The following SORCS3 variants were observed in gnomAD, a reference collection of about 807,000 sequenced individuals.
SORCS3 encodes sortilin related VPS10 domain containing receptor 3.
Under a neutral mutation model 146.3 loss-of-function variants are expected in SORCS3, and 57 were observed. That is an observed-to-expected ratio of 0.39 (90% CI 0.31 to 0.49). The LOEUF (loss-of-function observed/expected upper bound fraction) is 0.49, where lower values mean the gene tolerates loss of function less well. Ranked by LOEUF, SORCS3 falls within the 20% of genes least tolerant of loss-of-function variation. The pLI, the probability that SORCS3 is intolerant of heterozygous loss-of-function variation, is 0.92. For synonymous variants in SORCS3, 653 were observed against 618.5 expected (o/e 1.06, Z -0.83); for missense variants, 1,341 against 1,575.5 (o/e 0.85, Z 2.52).
chr10:105,245,523 T>C lies in SORCS3; in HGVS notation c.2869-19T>C, dbSNP rs1357977156. ...TATCCCACACAAGACTGAATGAGTA[T>C]TGTTACTTCTTCTTGTAGCCTCTCA... On this transcript the variant is annotated intron_variant, in intron 20 of 26. Transcript: ENST00000369701. 1 of 1,613,854 alleles carries C rather than the reference T, an allele frequency of 6.2e-7. No homozygotes were observed. The highest frequency in any genetic ancestry group is 8.5e-7 in the Non-Finnish European group (1 of 1,179,868).
At chr10:104,990,699 A>C (rs569441343) in intron 4 of SORCS3, among the ~76,000 whole-genome samples, 1 of 152,326 alleles carries the variant, frequency 6.6e-6, no homozygotes, top group Admixed American at 6.5e-5. Context: ...CAATATAGTC[A>C]TAAGGGTCCT....
intron 2 of SORCS3, among the ~76,000 whole-genome samples, chr10:104,876,703 T>TTTCCTTCC (rs747594890): frequency 0.045 from 4,712 of 104,656 alleles, 194 homozygotes; most frequent in South Asian, 0.11. Context: ...TGGTCCAGGT[T>TTTCCTTCC]TTCCTTCCTT....
intron 3 of SORCS3, among the ~76,000 whole-genome samples, chr10:104,957,642 T>G (rs2019509507): frequency 6.6e-6 from 1 of 152,094 alleles, no homozygotes; most frequent in Admixed American, 6.5e-5. Context: ...GTTTCTTACC[T>G]CTTCAGTCCT....
intron 3 of SORCS3, among the ~76,000 whole-genome samples, chr10:104,964,397 C>T (rs2054814997): frequency 6.6e-6 from 1 of 152,186 alleles, no homozygotes; most frequent in Admixed American, 6.5e-5. Context: ...AGCACCTCCC[C>T]TTACCTTTTC....
intron 22 of SORCS3, among the ~76,000 whole-genome samples, chr10:105,252,307 T>C (rs542312225): frequency 2.0e-5 from 3 of 152,320 alleles, no homozygotes; most frequent in South Asian, 4.1e-4. Context: ...TTACCAATAT[T>C]AGCTATTGCA....
intron 24 of SORCS3, among the ~76,000 whole-genome samples, chr10:105,256,256 C>G (rs2056930606): frequency 6.6e-6 from 1 of 152,098 alleles, no homozygotes; most frequent in Admixed American, 6.5e-5. Context: ...GGAACAAACT[C>G]TAGTTGGCTT....
chr10:105,082,617 C>G (rs1322173337), intron 5 of SORCS3, among the ~76,000 whole-genome samples: 1 of 152,170 alleles, frequency 6.6e-6, no homozygotes, highest in Non-Finnish European at 1.5e-5. Flanking sequence ...GATCCTAGTT[C>G]CCTTCTTGAA....
chr10:104,927,959 G>A (rs566541588), intron 3 of SORCS3, among the ~76,000 whole-genome samples: 67 of 152,150 alleles, frequency 4.4e-4, no homozygotes, highest in Non-Finnish European at 8.5e-4. Flanking sequence ...GTCATGCTGT[G>A]GCATAATCAA....
At chr10:104,702,297 T>C (rs574075475) in intron 1 of SORCS3, among the ~76,000 whole-genome samples, 1 of 152,350 alleles carries the variant, frequency 6.6e-6, no homozygotes, top group East Asian at 1.9e-4. Context: ...TCACTATTAC[T>C]TTTTGAGACC....
At chr10:104,820,065 A>G (rs1342377702) in intron 1 of SORCS3, among the ~76,000 whole-genome samples, 1 of 152,196 alleles carries the variant, frequency 6.6e-6, no homozygotes, top group Non-Finnish European at 1.5e-5. Flanking sequence ...AGGTTCTCAT[A>G]TGCACCAAGC....
chr10:104,968,130 A>T (rs2133640380), intron 3 of SORCS3, among the ~76,000 whole-genome samples: 1 of 152,194 alleles, frequency 6.6e-6, no homozygotes, highest in Non-Finnish European at 1.5e-5. Flanking sequence ...ACTTGGGATA[A>T]TTGCGACGGA....
rs374409103 is a variant in SORCS3, at chr10:105,137,054, C to T, written c.1213-2343C>T. 1.2e-4 allele frequency among the ~76,000 whole-genome samples: 18 copies of T among 152,160 alleles called. No homozygotes were observed. The East Asian group carries it at 2.7e-3, about 23-fold the overall frequency. Reference sequence around the variant, plus strand: ...AGGGACCACTCTATTCTCTTTTGGCCGTTGGTGACTTGGAAACCCCAATGC... The same window carrying T: ...AGGGACCACTCTATTCTCTTTTGGCTGTTGGTGACTTGGAAACCCCAATGC... On this transcript the variant is annotated intron_variant, in intron 7 of 26. Transcript: ENST00000369701.
intron 1 of SORCS3, among the ~76,000 whole-genome samples, chr10:104,745,658 T>C (rs1181759474): frequency 6.6e-6 from 1 of 152,220 alleles, no homozygotes; most frequent in African/African-American, 2.4e-5. Flanking sequence ...ACAGGCACTA[T>C]GCTGCGCTGT....
At chr10:105,048,222 G>T (rs1372847395) in intron 5 of SORCS3, among the ~76,000 whole-genome samples, 4 of 151,480 alleles carry the variant, frequency 2.6e-5, no homozygotes, top group African/African-American at 9.7e-5. Context: ...CTGCTATAAA[G>T]ACACATGCAC....
chr10:104,714,541 A>G (rs775432880), intron 1 of SORCS3, among the ~76,000 whole-genome samples: 2 of 152,160 alleles, frequency 1.3e-5, no homozygotes, highest in South Asian at 2.1e-4. Flanking sequence ...TAATTTCCAA[A>G]TATTTGGGAA....
intron 1 of SORCS3, among the ~76,000 whole-genome samples, chr10:104,734,437 A>G (rs1327729243): frequency 6.6e-6 from 1 of 152,246 alleles, no homozygotes; most frequent in Non-Finnish European, 1.5e-5. Flanking sequence ...AATTTGGCTG[A>G]GAGAGGACCT....
At chr10:105,151,034 G>C (rs2056164460) in intron 9 of SORCS3, among the ~76,000 whole-genome samples, 1 of 152,118 alleles carries the variant, frequency 6.6e-6, no homozygotes. Flanking sequence ...GATGATGTTA[G>C]GACTGGTGCA....
intron 4 of SORCS3, among the ~76,000 whole-genome samples, chr10:104,981,103 C>G (rs1166539230): frequency 1.3e-5 from 2 of 152,148 alleles, no homozygotes; most frequent in African/African-American, 2.4e-5. Flanking sequence ...CTGATGCACC[C>G]CAGTCTACTA....
At chr10:104,662,400 T>C (rs752739042) in intron 1 of SORCS3, among the ~76,000 whole-genome samples, 18 of 152,240 alleles carry the variant, frequency 1.2e-4, no homozygotes, top group Non-Finnish European at 7.3e-5. Context: ...TCTACTATTA[T>C]GAGCCACATT....
Sources: allele counts gnomAD v4.1 joint callset (sites outside exome capture counted in the v4.1 genomes callset), GRCh38; gene constraint gnomAD v4.1.1; transcripts MANE v1.5; gene names NCBI Gene and HGNC (gene_info 2026-07-23, HGNC 2026-07-21).